POLA2: variants seen among roughly 807,000 people sequenced by gnomAD.
POLA2 encodes the protein DNA polymerase alpha 2, accessory subunit.
Under a neutral mutation model 82.8 loss-of-function variants are expected in POLA2, and 47 were observed. That is an observed-to-expected ratio of 0.57 (90% confidence interval 0.45 to 0.72). The LOEUF (loss-of-function observed/expected upper bound fraction) is 0.72. Among genes scored for constraint, POLA2 ranks in the 30% least tolerant of loss-of-function variants. POLA2 has a pLI of 0.00. For missense variants in POLA2, 634 were observed against 728.1 expected (o/e 0.87, Z 1.49); for synonymous variants, 287 against 286.8 (o/e 1.00, Z -0.01).
At chr11:65,281,175 G>A in intron 8 of POLA2, 28 bp downstream of exon 8, 1 of 1,610,474 alleles carries the variant, frequency 6.2e-7, no homozygotes, top group South Asian at 1.1e-5. Context: ...CCACCAGAAT[G>A]CAGGCGCACT....
At chr11:65,275,384 AAAG>A (rs1949566316) in intron 4 of POLA2, among the ~76,000 whole-genome samples, 2 of 151,964 alleles carry the variant, frequency 1.3e-5, no homozygotes, top group Admixed American at 1.3e-4. Flanking sequence ...AAAAAAAAAA[AAAG>A]GAGTGACCAT....
At chr11:65,289,161 GT>G in intron 12 of POLA2, 73 bp downstream of exon 12, 1 of 1,208,418 alleles carries the variant, frequency 8.3e-7, no homozygotes, top group Admixed American at 1.9e-5. Flanking sequence ...ATTTTTTAGT[GT>G]TTATCCCACA....
At chr11:65,300,948 G>A (rs755243965), downstream of POLA2, among the ~76,000 whole-genome samples, 58 of 152,298 alleles carry the variant, frequency 3.8e-4, no homozygotes, top group Admixed American at 2.2e-3. Flanking sequence ...GTATCAGTCC[G>A]CCATTCTTTT....
chr11:65,297,330 G>T lies in POLA2; in HGVS notation c.*61G>T. ...CCTTAAAGTCTTAGCCAAGAGCCAA[G>T]ACATAGCCCTGTGACAAGGTGAACA... On this transcript the variant is annotated 3_prime_UTR_variant, in exon 18 of 18. Coordinates refer to ENST00000265465, the MANE Select transcript of POLA2 (RefSeq NM_002689.4). 2 of 1,498,382 alleles carry T rather than the reference G, an allele frequency of 1.3e-6. No individual in the cohort carries two copies. Among genetic ancestry groups the T allele is most frequent in the Non-Finnish European group, 8.9e-7 (1 of 1,124,922 alleles). 92.8% of individuals were successfully genotyped at this position (1,498,382 alleles called of 1,614,324 possible).
At chr11:65,288,599 C>A (rs947009517) in intron 11 of POLA2, among the ~76,000 whole-genome samples, 1 of 150,250 alleles carries the variant, frequency 6.7e-6, no homozygotes, top group Admixed American at 6.7e-5. Flanking sequence ...ATAGCCTCCA[C>A]CTCCTGGGCT....
At position 65,278,825 on chromosome 11, in the gene POLA2, G is replaced by T; in HGVS notation, c.557G>T (p.Gly186Val). ...CAGGGAGTATCTTGGTCTGGGAGAG[G>T]AGGAGCTGGAAACATCAGCCTGAAG... is the stretch of plus-strand genomic sequence containing the variant. ...LAQGVSWSGRGGAGNISLKVL... is the reference protein window; with the variant it reads ...LAQGVSWSGRVGAGNISLKVL... The change falls in exon 6 of 18, where the codon GGA (glycine) becomes GTA (valine). Residue 186 changes from glycine (G) to valine (V), a missense_variant. Transcript: ENST00000265465. 1 of 1,613,866 alleles carries T rather than the reference G, an allele frequency of 6.2e-7. No individual in the cohort carries two copies. Among genetic ancestry groups the T allele is most frequent in the Non-Finnish European group, 8.5e-7 (1 of 1,180,030 alleles).
At chr11:65,268,202 G>A (rs1235408314) in intron 3 of POLA2, among the ~76,000 whole-genome samples, 2 of 152,032 alleles carry the variant, frequency 1.3e-5, no homozygotes, top group African/African-American at 4.8e-5. Context: ...CTGGGATGTG[G>A]AAGTTGCAGT....
downstream of POLA2, among the ~76,000 whole-genome samples, chr11:65,302,784 G>A (rs1949865836): frequency 6.6e-6 from 1 of 151,622 alleles, no homozygotes; most frequent in South Asian, 2.1e-4. Flanking sequence ...TCTAAGTGCT[G>A]TGGTGCCATC....
chr11:65,303,872 T>TG (rs972805544), intron 8 of POLA2, among the ~76,000 whole-genome samples: 48 of 152,116 alleles, frequency 3.2e-4, no homozygotes, highest in Non-Finnish European at 2.4e-4. Context: ...CCCTGCAGGT[T>TG]GGGGGTCTCT....
chr11:65,300,199 T>A (rs1949851969), downstream of POLA2, among the ~76,000 whole-genome samples: 2 of 152,072 alleles, frequency 1.3e-5, no homozygotes, highest in Non-Finnish European at 2.9e-5. Flanking sequence ...ATACAATACA[T>A]CCTCTTTTTT....
chr11:65,281,459 C>T (rs1012654382), intron 8 of POLA2, among the ~76,000 whole-genome samples: 13 of 152,314 alleles, frequency 8.5e-5, no homozygotes, highest in South Asian at 2.1e-4. Context: ...ATTCTTACCT[C>T]ATAGGATTGT....
At chr11:65,278,579 G>T in intron 5 of POLA2, 151 bp from the exon 6 acceptor site, 1 of 599,820 alleles carries the variant, frequency 1.7e-6, no homozygotes. Context: ...AAAGGTCTGG[G>T]TATGTCCAAC....
At chr11:65,284,911 T>G (rs563398878) in intron 10 of POLA2, among the ~76,000 whole-genome samples, 1 of 152,324 alleles carries the variant, frequency 6.6e-6, no homozygotes, top group African/African-American at 2.4e-5. Flanking sequence ...CAACACCCCA[T>G]GCATGTAACA....
At chr11:65,276,125 T>C in intron 5 of POLA2, 127 bp downstream of exon 5, 2 of 481,626 alleles carry the variant, frequency 4.2e-6, no homozygotes. Context: ...TGCAGTGAAT[T>C]GGCTTGAAAG....
intron 10 of POLA2, 121 bp from the exon 11 acceptor site, chr11:65,287,595 A>G: frequency 1.2e-6 from 1 of 837,896 alleles, no homozygotes; most frequent in Non-Finnish European, 1.8e-6. Flanking sequence ...GGGTCCCCAG[A>G]GTTTCACACA....
intron 8 of POLA2, among the ~76,000 whole-genome samples, chr11:65,304,870 A>G (rs1459635189): frequency 6.6e-6 from 1 of 152,162 alleles, no homozygotes; most frequent in Non-Finnish European, 1.5e-5. Flanking sequence ...CAGCACACGA[A>G]CAGGGCACGT....
chr11:65,275,551 G>T (rs1251668492), intron 4 of POLA2, among the ~76,000 whole-genome samples: 3 of 152,170 alleles, frequency 2.0e-5, no homozygotes, highest in Non-Finnish European at 4.4e-5. Flanking sequence ...ACTATGCATT[G>T]TAAAACTCAT....
chr11:65,297,000 C>A, intron 17 of POLA2, 120 bp from the exon 18 acceptor site: 2 of 1,006,284 alleles, frequency 2.0e-6, no homozygotes, highest in Non-Finnish European at 3.0e-6. Flanking sequence ...ATTTGGTTGC[C>A]TTCGTTTCCA....
At chr11:65,279,039 G>A in intron 6 of POLA2, 116 bp downstream of exon 6, 1 of 816,828 alleles carries the variant, frequency 1.2e-6, no homozygotes, top group Non-Finnish European at 1.9e-6. Flanking sequence ...TTCAATGTAT[G>A]AGTTGGTAGA....
Sources: allele counts gnomAD v4.1 joint callset (sites outside exome capture counted in the v4.1 genomes callset), GRCh38; gene constraint gnomAD v4.1.1; transcripts MANE v1.5; gene names NCBI Gene and HGNC (gene_info 2026-07-23, HGNC 2026-07-21).